NEMP2: variants seen among roughly 807,000 people sequenced by gnomAD.
The protein encoded by NEMP2 is UPF0571 transmembrane protein.
A neutral mutation model predicts 54.2 loss-of-function variants in NEMP2; 53 were observed. The observed-to-expected ratio is 0.98, with a 90% CI of 0.78 to 1.23. The LOEUF (loss-of-function observed/expected upper bound fraction) is 1.23, where lower values mean the gene tolerates loss of function less well. NEMP2 is among the 50% of genes most tolerant of loss of function. The pLI is 0.00. For missense variants in NEMP2, 455 were observed against 511.3 expected (o/e 0.89, Z 1.06); for synonymous variants, 197 against 190.3 (o/e 1.04, Z -0.29).
At chr2:190,623,476 C>T in the NEMP2 span, among the ~76,000 whole-genome samples, 1 of 152,126 alleles carries the variant, frequency 6.6e-6, no homozygotes, top group Non-Finnish European at 1.5e-5. Context: ...GACACACTGA[C>T]CAATGGCACA....
rs756949365 is a variant in NEMP2 at position 190,534,583 on chromosome 2, C to T, written c.73G>A (p.Glu25Lys). Reference protein sequence around the residue: ...PPLATLPVRGEAAAAALSVRR... With the variant: ...PPLATLPVRGKAAAAALSVRR... ...CCTGATAACGCTGCCGCCGCCGCCT[C>T]CCCGCGCACGGGCAGTGTGGCCAGG... Residue 25 changes from glutamate (E) to lysine (K), a missense_variant, in exon 1 of 9, where the codon GAG (glutamate) becomes AAG (lysine). Coordinates refer to ENST00000409150, the MANE Select transcript of NEMP2 (RefSeq NM_001142645.2). 51 of 1,399,592 alleles carry T rather than the reference C, an allele frequency of 3.6e-5. No homozygotes were observed. Among genetic ancestry groups the T allele is most frequent in the South Asian group, 4.6e-5 (3 of 64,844 alleles). 86.7% of individuals were successfully genotyped at this position (1,399,592 alleles called of 1,614,324 possible).
rs1691087989 is a variant in NEMP2, at chr2:190,530,019, A to G, written c.97+4540T>C. Among the ~76,000 whole-genome samples, 1 of 152,182 alleles carries G rather than the reference A, an allele frequency of 6.6e-6. No homozygotes were observed. Among genetic ancestry groups the G allele is most frequent in the Non-Finnish European group, 1.5e-5 (1 of 68,032 alleles). On this transcript the variant is annotated intron_variant, in intron 1 of 8. Transcript: ENST00000409150. This position sits in a 1 kb window ranked among gnomAD's most constrained non-coding sequence, Gnocchi z 4.6. ...GGATCATCTTCTTGCCCCTCACTGG[A>G]TAGAGGAGGTCAGAAAGAATAGGTG...
chr2:190,465,357 G>GAC, the NEMP2 span, among the ~76,000 whole-genome samples: 1 of 152,062 alleles, frequency 6.6e-6, no homozygotes, highest in African/African-American at 2.4e-5. The surrounding 1 kb of genome is among the most constrained non-coding windows in gnomAD (Gnocchi z 4.6). Flanking sequence ...TCTGAAATAG[G>GAC]ACAGTCATGC....
At chr2:190,635,803 A>C in the NEMP2 span, among the ~76,000 whole-genome samples, 1 of 152,268 alleles carries the variant, frequency 6.6e-6, no homozygotes, top group South Asian at 2.1e-4. This position sits in a 1 kb window ranked among gnomAD's most constrained non-coding sequence, Gnocchi z 4.1. Context: ...TAACTTAACT[A>C]AATACCACCA....
the NEMP2 span, among the ~76,000 whole-genome samples, chr2:190,488,343 C>T: frequency 5.7e-4 from 86 of 152,072 alleles, no homozygotes; most frequent in African/African-American, 1.6e-3. The surrounding 1 kb of genome is among the most constrained non-coding windows in gnomAD (Gnocchi z 6.4). Flanking sequence ...ATTCAAGAGA[C>T]AGGAAGTAGA....
Position 190,523,370 on chromosome 2 carries a change from CAAAT to C in NEMP2, c.213+1889_213+1892del, listed in dbSNP as rs1690818950. 1.3e-5 allele frequency among the ~76,000 whole-genome samples: 2 copies of C among 151,966 alleles called. No individual in the cohort carries two copies. Among genetic ancestry groups the C allele is most frequent in the Admixed American group, 1.3e-4 (2 of 15,256 alleles). ...ACTTTTAGTGTATTCTGGGATTAGG[CAAAT>C]AAATAAATATATTTGAGGATAATGG... On this transcript the variant is annotated intron_variant, in intron 2 of 8. Transcript: ENST00000409150. The surrounding 1 kb of genome is among the most constrained non-coding windows in gnomAD (Gnocchi z 5.3).
Position 190,522,502 on chromosome 2 carries a change from C to T in NEMP2, c.213+2761G>A, listed in dbSNP as rs543116832. Among the ~76,000 whole-genome samples the T allele has an allele frequency of 2.6e-5, 4 of 152,216 alleles. No individual in the cohort carries two copies. The highest frequency in any genetic ancestry group is 2.1e-4 in the South Asian group (1 of 4,814). ...AATAAAATTCTAACACCCCCGACCCCGCCAACTATCTGAATGAAACCCTGT... is the reference window on the plus strand; with the variant it reads ...AATAAAATTCTAACACCCCCGACCCTGCCAACTATCTGAATGAAACCCTGT... On this transcript the variant is annotated intron_variant, in intron 2 of 8. Coordinates refer to ENST00000409150, the MANE Select transcript of NEMP2 (RefSeq NM_001142645.2). The surrounding 1 kb of genome is among the most constrained non-coding windows in gnomAD (Gnocchi z 5.0).
At chr2:190,449,483 AAATT>A in the NEMP2 span, among the ~76,000 whole-genome samples, 22 of 152,174 alleles carry the variant, frequency 1.4e-4, 1 homozygote, top group Admixed American at 1.3e-3. Context: ...CAAAAAAAAA[AAATT>A]AATATCAAAC....
chr2:190,466,476 G>A, the NEMP2 span, among the ~76,000 whole-genome samples: 9 of 152,310 alleles, frequency 5.9e-5, no homozygotes, highest in African/African-American at 2.2e-4. Flanking sequence ...AATGGTTGGT[G>A]AGGAAGGAAT....
chr2:190,582,505 T>G, the NEMP2 span, among the ~76,000 whole-genome samples: 1 of 152,234 alleles, frequency 6.6e-6, no homozygotes, highest in African/African-American at 2.4e-5. The surrounding 1 kb of genome is among the most constrained non-coding windows in gnomAD (Gnocchi z 4.6). Context: ...ATGTAAGGCT[T>G]TCTTAGAATT....
the NEMP2 span, among the ~76,000 whole-genome samples, chr2:190,431,297 C>T: frequency 2.0e-3 from 309 of 152,048 alleles, 5 homozygotes; most frequent in African/African-American, 6.7e-3. The surrounding 1 kb of genome is among the most constrained non-coding windows in gnomAD (Gnocchi z 4.4). Flanking sequence ...ACTTCCCAGA[C>T]GGGGTGGCGG....
At chr2:190,488,253 C>T in the NEMP2 span, among the ~76,000 whole-genome samples, 2 of 152,180 alleles carry the variant, frequency 1.3e-5, no homozygotes, top group African/African-American at 4.8e-5. The surrounding 1 kb of genome is among the most constrained non-coding windows in gnomAD (Gnocchi z 6.4). Context: ...AGGTTGATAG[C>T]AGCATTAATC....
At chr2:190,492,706 A>G in the NEMP2 span, among the ~76,000 whole-genome samples, 1 of 152,206 alleles carries the variant, frequency 6.6e-6, no homozygotes, top group African/African-American at 2.4e-5. This position sits in a 1 kb window ranked among gnomAD's most constrained non-coding sequence, Gnocchi z 5.2. Flanking sequence ...ACTAAGCTTC[A>G]TAAATAAAGG....
the NEMP2 span, among the ~76,000 whole-genome samples, chr2:190,602,464 T>C: frequency 2.6e-5 from 4 of 152,174 alleles, no homozygotes; most frequent in African/African-American, 7.2e-5. Flanking sequence ...CTAATTTTAA[T>C]GTTAATCACA....
the NEMP2 span, chr2:190,648,309 T>A: frequency 1.3e-5 from 2 of 152,114 alleles, no homozygotes; most frequent in Admixed American, 1.3e-4. Context: ...AGAGCGGAGG[T>A]GGGGAGGGGG....
the NEMP2 span, chr2:190,497,599 C>T: frequency 8.1e-6 from 13 of 1,614,052 alleles, no homozygotes; most frequent in Non-Finnish European, 1.1e-5. This position sits in a 1 kb window ranked among gnomAD's most constrained non-coding sequence, Gnocchi z 5.2. Flanking sequence ...AAGATGTGAA[C>T]AAACCAGCCT....
chr2:190,474,634 G>T, the NEMP2 span, among the ~76,000 whole-genome samples: 1 of 152,246 alleles, frequency 6.6e-6, no homozygotes, highest in African/African-American at 2.4e-5. Context: ...TTCGACCAGA[G>T]GTACAAGGAG....
the NEMP2 span, among the ~76,000 whole-genome samples, chr2:190,459,857 T>G: frequency 2.0e-5 from 3 of 152,378 alleles, no homozygotes; most frequent in African/African-American, 7.2e-5. The surrounding 1 kb of genome is among the most constrained non-coding windows in gnomAD (Gnocchi z 5.3). Flanking sequence ...TAGAAGGAAG[T>G]ATTAGTAGCT....
At chr2:190,455,304 C>T in the NEMP2 span, among the ~76,000 whole-genome samples, 1 of 152,068 alleles carries the variant, frequency 6.6e-6, no homozygotes, top group Non-Finnish European at 1.5e-5. Flanking sequence ...TATTAGAAAT[C>T]TAACGTTTTA....
Sources: allele counts gnomAD v4.1 joint callset (sites outside exome capture counted in the v4.1 genomes callset), GRCh38; gene constraint gnomAD v4.1.1; non-coding constraint Gnocchi (gnomAD v3.1); transcripts MANE v1.5; gene names NCBI Gene and HGNC (gene_info 2026-07-23, HGNC 2026-07-21).